Variants in VEZT observed in about 807,000 individuals in gnomAD.
The protein encoded by VEZT is vezatin.
In VEZT, 39 loss-of-function variants were observed where a neutral mutation model predicts 79.9. The observed-to-expected ratio is 0.49, with a 90% CI of 0.38 to 0.64. The LOEUF is 0.64. Ranked by LOEUF, VEZT falls within the 30% of genes least tolerant of loss-of-function variation. The pLI, the probability that VEZT is intolerant of heterozygous loss-of-function variation, is 0.00. For synonymous variants in VEZT, 325 were observed against 327.6 expected (o/e 0.99, Z 0.09); for missense variants, 837 against 893.1 (o/e 0.94, Z 0.80).
intron 1 of VEZT, among the ~76,000 whole-genome samples, chr12:95,235,208 G>A (rs2059877533): frequency 6.6e-6 from 1 of 151,600 alleles, no homozygotes; most frequent in Non-Finnish European, 1.5e-5. Context: ...CGGGCAGAGG[G>A]GCTCCTCACT....
intron 2 of VEZT, chr12:95,252,574 A>G (rs912614484): frequency 1.3e-5 from 2 of 152,268 alleles, no homozygotes; most frequent in African/African-American, 2.4e-5. Context: ...GATGTCCAGC[A>G]TTGAGGCCGA....
chr12:95,247,108 G>A (rs1474266186), intron 1 of VEZT, among the ~76,000 whole-genome samples: 1 of 152,126 alleles, frequency 6.6e-6, no homozygotes, highest in East Asian at 1.9e-4. Context: ...GAGTGATCAG[G>A]TTTTAATACT....
At chr12:95,235,699 G>T (rs967921544) in intron 1 of VEZT, among the ~76,000 whole-genome samples, 1 of 151,122 alleles carries the variant, frequency 6.6e-6, no homozygotes, top group African/African-American at 2.4e-5. Flanking sequence ...GGACGGGGCG[G>T]CTGGCCGGGC....
chr12:95,240,747 A>T (rs1457433556), intron 1 of VEZT, among the ~76,000 whole-genome samples: 1 of 152,202 alleles, frequency 6.6e-6, no homozygotes, highest in Admixed American at 6.5e-5. Flanking sequence ...AAAAACAGCT[A>T]ATTTTCCATT....
chr12:95,250,285 T>C (rs113718731), intron 1 of VEZT, among the ~76,000 whole-genome samples: 1 of 139,232 alleles, frequency 7.2e-6, no homozygotes, highest in Non-Finnish European at 1.5e-5. Context: ...ATTTATTATT[T>C]TTTTTTTTAA....
chr12:95,224,828 A>G (rs1425841960), intron 1 of VEZT, among the ~76,000 whole-genome samples: 1 of 152,238 alleles, frequency 6.6e-6, no homozygotes, highest in Non-Finnish European at 1.5e-5. Context: ...CGTGGAAGAC[A>G]GTTTTTCCAG....
chr12:95,270,112 C>G lies in VEZT; in HGVS notation c.772C>G (p.Leu258Val). Reference protein sequence around the residue: ...GQHPSQHLIGLRKAVYRTLRA... With the variant: ...GQHPSQHLIGVRKAVYRTLRA... ...GCATCCAAGTCAGCATCTCATCGGT[C>G]TTCGGAAAGCTGTCTACCGAACTCT... Residue 258 changes from leucine (L) to valine (V), a missense_variant, in exon 6 of 12, where the codon CTT (leucine) becomes GTT (valine). Physicochemically the swap from Leu to Val is conservative, Grantham distance 32. Coordinates refer to ENST00000436874, the MANE Select transcript of VEZT (RefSeq NM_017599.4). 1 of 1,611,960 alleles carries G rather than the reference C, an allele frequency of 6.2e-7. No homozygotes were observed. The highest frequency in any genetic ancestry group is 8.5e-7 in the Non-Finnish European group (1 of 1,179,116).
chr12:95,252,277 A>C (rs1033808514), intron 2 of VEZT: 1 of 425,040 alleles, frequency 2.4e-6, no homozygotes, highest in African/African-American at 2.0e-5. Flanking sequence ...GTGAGGAAAT[A>C]ATTTGGTAGA....
At chr12:95,292,443 G>A (rs2073110388) in intron 9 of VEZT, among the ~76,000 whole-genome samples, 1 of 151,948 alleles carries the variant, frequency 6.6e-6, no homozygotes, top group Admixed American at 6.6e-5. Context: ...AGGCAATAAT[G>A]GCAGTTTTTG....
intron 6 of VEZT, among the ~76,000 whole-genome samples, chr12:95,271,316 C>A (rs1464691172): frequency 6.6e-6 from 1 of 152,124 alleles, no homozygotes; most frequent in Non-Finnish European, 1.5e-5. Context: ...GCCATTCTTC[C>A]AGGTGCTAGG....
chr12:95,243,999 C>T (rs1418901516), intron 1 of VEZT: 1 of 456,028 alleles, frequency 2.2e-6, no homozygotes, highest in Admixed American at 2.3e-5. Flanking sequence ...GCCTGCAGAA[C>T]TATGAGCTAA....
intron 5 of VEZT, among the ~76,000 whole-genome samples, chr12:95,269,248 T>C (rs2066143672): frequency 6.6e-6 from 1 of 152,228 alleles, no homozygotes; most frequent in Non-Finnish European, 1.5e-5. Flanking sequence ...AGTTATGAAA[T>C]GTAATACATT....
intron 5 of VEZT, among the ~76,000 whole-genome samples, chr12:95,269,103 G>A (rs2066107799): frequency 6.6e-6 from 1 of 152,202 alleles, no homozygotes; most frequent in South Asian, 2.1e-4. Context: ...TTTGAGTTAG[G>A]TGTGTTGTTT....
chr12:95,293,347 C>A (rs1283197949), intron 9 of VEZT, among the ~76,000 whole-genome samples: 2 of 152,140 alleles, frequency 1.3e-5, no homozygotes, highest in Non-Finnish European at 2.9e-5. Context: ...TTATTTTAAC[C>A]ATTTAACTAT....
intron 7 of VEZT, among the ~76,000 whole-genome samples, chr12:95,278,831 G>A (rs540594785): frequency 9.2e-5 from 14 of 152,250 alleles, no homozygotes; most frequent in Non-Finnish European, 2.1e-4. Context: ...CACTCTGGGA[G>A]GCCAAGGCGG....
At chr12:95,220,449 C>T (rs564561661) in intron 1 of VEZT, among the ~76,000 whole-genome samples, 252 of 152,234 alleles carry the variant, frequency 1.7e-3, no homozygotes, top group Non-Finnish European at 2.7e-3. Flanking sequence ...GAGCCAGACT[C>T]TGCCCCAAAA....
chr12:95,290,693 T>C (rs555009837), intron 9 of VEZT: 2 of 152,274 alleles, frequency 1.3e-5, no homozygotes, highest in Admixed American at 1.3e-4. Flanking sequence ...AAGATTAGGG[T>C]ACTTGGCTTT....
In VEZT at chr12:95,282,462, T is replaced by G; in HGVS notation, c.1146T>G (p.Pro382=). The stretch of plus-strand genomic sequence containing the variant: ...TATCTGATGTGACTCAAGGTCTACC[T>G]CATGCTCATTCTGCCTGTTTGGAAG... ...RILSDVTQGL[P]HAHSACLEEL... is the part of the protein sequence containing the mutation. The change falls in exon 8 of 12, where the codon CCT becomes CCG. Residue 382 remains proline, a synonymous_variant. Transcript: ENST00000436874. 2 of 1,613,960 alleles carry G rather than the reference T, an allele frequency of 1.2e-6. No homozygotes were observed. Among genetic ancestry groups the G allele is most frequent in the South Asian group, 1.1e-5 (1 of 91,074 alleles).
chr12:95,243,361 CAAA>C (rs34891631), intron 1 of VEZT, among the ~76,000 whole-genome samples: 4 of 73,234 alleles, frequency 5.5e-5, no homozygotes, highest in Admixed American at 2.9e-4. Flanking sequence ...GACACCATCT[CAAA>C]AAAAAAAAAA....
Sources: gnomAD v4.1 joint callset for allele counts (sites outside exome capture counted in the v4.1 genomes callset) on GRCh38, gnomAD v4.1.1 for gene constraint, MANE v1.5 for transcripts, NCBI Gene and HGNC (gene_info 2026-07-23, HGNC 2026-07-21) for gene names.